Variants in FLT3 observed in about 807,000 individuals in gnomAD.
FLT3 encodes receptor-type tyrosine-protein kinase FLT3.
Under a neutral mutation model 126.6 loss-of-function variants are expected in FLT3, and 46 were observed. That is an observed-to-expected ratio of 0.36 (90% CI 0.29 to 0.46). FLT3 has a LOEUF of 0.46. Ranked by LOEUF, FLT3 falls within the 20% of genes least tolerant of loss-of-function variation. The pLI, the probability that FLT3 is intolerant of heterozygous loss-of-function variation, is 1.00. For missense variants in FLT3, 1,069 were observed against 1,190.3 expected, an observed-to-expected ratio of 0.90 and a Z score of 1.50; for synonymous variants, 404 against 434.4, an observed-to-expected ratio of 0.93 and a Z score of 0.87.
chr13:28,009,849 A>G (rs1198349595), intron 23 of FLT3, among the ~76,000 whole-genome samples: 1 of 152,170 alleles, frequency 6.6e-6, no homozygotes, highest in African/African-American at 2.4e-5. Context: ...AGTGTCAGCC[A>G]CCACGCTTGG....
Position 28,023,425 on chromosome 13 carries a change from A to G in FLT3, c.2343T>C (p.Asn781=), listed in dbSNP as rs150581819. 7 of 1,613,884 alleles carry G rather than the reference A, an allele frequency of 4.3e-6. No homozygotes were observed. The East Asian group carries it at 1.3e-4, about 31-fold the overall frequency. The change falls in exon 19 of 24, where the codon AAT becomes AAC. Residue 781 remains asparagine, a synonymous_variant. Transcript: ENST00000241453. ...AAAGAAGATCTTCAAATGTAAGCAC[A>G]TTCAAGTCCTCCTCTTCTTCCAGCC... ...QKRLEEEEDL[N]VLTFEDLLCF...
intron 23 of FLT3, among the ~76,000 whole-genome samples, chr13:28,011,703 CT>C (rs1273152066): frequency 1.0e-4 from 8 of 79,954 alleles, no homozygotes; most frequent in South Asian, 9.1e-4. Context: ...TCCTTTCTTT[CT>C]CTTTTTCTCT....
At chr13:28,079,437 T>G (rs1015709762) in intron 1 of FLT3, among the ~76,000 whole-genome samples, 3 of 152,196 alleles carry the variant, frequency 2.0e-5, no homozygotes, top group African/African-American at 7.2e-5. Context: ...AACTTCTGCC[T>G]GTTACCCAGT....
At chr13:28,067,828 C>G (rs1265981968) in intron 2 of FLT3, 1 of 247,364 alleles carries the variant, frequency 4.0e-6, no homozygotes, top group Non-Finnish European at 8.2e-6. Context: ...AGAAAACCAA[C>G]CAACAAACAA....
At chr13:28,088,362 A>C (rs1254009909) in intron 1 of FLT3, among the ~76,000 whole-genome samples, 1 of 151,526 alleles carries the variant, frequency 6.6e-6, no homozygotes, top group Non-Finnish European at 1.5e-5. Context: ...ATCTCAGCTC[A>C]CTGCAACCTC....
rs1170404093 is a variant in FLT3 at position 28,003,523 on chromosome 13, G to A, written c.*529C>T. On this transcript the variant is annotated 3_prime_UTR_variant, in exon 24 of 24. Transcript: ENST00000241453. The stretch of plus-strand genomic sequence containing the variant: ...ACACGTGCTCTGGAAGGAATGTGTA[G>A]GTGGCTATGGGTGCACAATTTCAGG... The A allele has an allele frequency of 8.4e-6, 2 of 236,892 alleles. No homozygotes were observed. Among genetic ancestry groups the A allele is most frequent in the African/African-American group, 4.4e-5 (2 of 45,358 alleles). The allele number at this position is 236,892 out of a possible 1,614,324, so 14.7% of individuals were successfully genotyped here. A position where few individuals can be genotyped will look rare whatever the true frequency, so the allele number is the denominator to read the frequency against.
At chr13:28,038,358 T>A (rs901254470) in intron 9 of FLT3, among the ~76,000 whole-genome samples, 1 of 151,890 alleles carries the variant, frequency 6.6e-6, no homozygotes, top group Non-Finnish European at 1.5e-5. Flanking sequence ...GTAACAAAAT[T>A]GGAGAAAAAG....
chr13:28,083,559 A>G (rs571493500), intron 1 of FLT3, among the ~76,000 whole-genome samples: 21 of 152,284 alleles, frequency 1.4e-4, no homozygotes, highest in Admixed American at 2.6e-4. Flanking sequence ...TCTGTATAGA[A>G]TTGGTTTTAT....
intron 15 of FLT3, among the ~76,000 whole-genome samples, chr13:28,030,437 T>G (rs1276494479): frequency 2.0e-5 from 3 of 152,194 alleles, no homozygotes; most frequent in Non-Finnish European, 2.9e-5. Flanking sequence ...GAGTGCCTAC[T>G]CTGTAAGAGC....
At position 28,100,253 on chromosome 13, in the gene FLT3, G is replaced by GA. The variant is rs1045250888; in HGVS notation, c.43+214dup. On this transcript the variant is annotated intron_variant, in intron 1 of 23. Transcript: ENST00000241453. This position sits in a 1 kb window ranked among gnomAD's most constrained non-coding sequence, Gnocchi z 4.8. ...CAGAGGAGAGACTTCGGAGAAGAGG[G>GA]AAGAGGACGCGGGGTGGGAAACGCC... 4.6e-5 allele frequency among the ~76,000 whole-genome samples: 7 copies of GA among 152,144 alleles called. No homozygotes were observed. The highest frequency in any genetic ancestry group is 1.7e-4 in the African/African-American group (7 of 41,458).
At chr13:28,040,163 G>A (rs2137696475) in intron 9 of FLT3, among the ~76,000 whole-genome samples, 1 of 152,286 alleles carries the variant, frequency 6.6e-6, no homozygotes, top group Non-Finnish European at 1.5e-5. Flanking sequence ...TCAAAAAATT[G>A]GGTTTCTGTT....
At chr13:28,040,674 C>T (rs776148101) in intron 9 of FLT3, among the ~76,000 whole-genome samples, 1 of 152,176 alleles carries the variant, frequency 6.6e-6, no homozygotes, top group Non-Finnish European at 1.5e-5. Context: ...ATTCATCTCT[C>T]TGACCTATCA....
At chr13:28,031,538 AC>A (rs931299816) in intron 15 of FLT3, among the ~76,000 whole-genome samples, 2 of 152,188 alleles carry the variant, frequency 1.3e-5, no homozygotes, top group African/African-American at 4.8e-5. Flanking sequence ...AAATGTCATG[AC>A]AAAGGTGATG....
In FLT3 at chr13:28,034,381, T is replaced by C; in HGVS notation, c.1624A>G (p.Ile542Val). Residue 542 changes from isoleucine to valine, a missense_variant, in exon 13 of 24, where the codon ATC becomes GTC. By Grantham distance (29) the Ile-to-Val change is conservative. Transcript: ENST00000241453. ...ACACCAATTGTTGCATAGAATGAGA[T>C]GTTGTCTTGGATGAAAGGGAAGGGG... is the stretch of plus-strand genomic sequence containing the variant. ...PGPFPFIQDN[I>V]SFYATIGVCL... 1.2e-6 allele frequency: 2 copies of C among 1,614,046 alleles called. No homozygotes were observed. Among genetic ancestry groups the C allele is most frequent in the Non-Finnish European group, 8.5e-7 (1 of 1,179,882 alleles).
At chr13:28,045,537 A>T (rs1356185059) in intron 9 of FLT3, among the ~76,000 whole-genome samples, 1 of 152,122 alleles carries the variant, frequency 6.6e-6, no homozygotes, top group African/African-American at 2.4e-5. Flanking sequence ...TAGGGTAAAG[A>T]GGGGCTGACT....
chr13:28,091,252 C>G (rs60649910), intron 1 of FLT3, among the ~76,000 whole-genome samples: 6 of 100,114 alleles, frequency 6.0e-5, no homozygotes, highest in Admixed American at 3.2e-4. Flanking sequence ...GACGGAGTCT[C>G]GCTCTGTCGC....
intron 18 of FLT3, among the ~76,000 whole-genome samples, chr13:28,024,474 G>C (rs1872647291): frequency 6.6e-6 from 1 of 152,130 alleles, no homozygotes; most frequent in Non-Finnish European, 1.5e-5. Context: ...GGTAGTGTTA[G>C]GCCTATTTTA....
At chr13:28,011,452 G>C (rs17072037) in intron 23 of FLT3, among the ~76,000 whole-genome samples, 5,445 of 152,248 alleles carry the variant, frequency 0.036, 281 homozygotes, top group East Asian at 0.26. Flanking sequence ...CAAGGGACTA[G>C]ATAGGATTCT....
Position 28,100,401 on chromosome 13 carries a change from G to T in FLT3, c.43+67C>A. The T allele has an allele frequency of 8.9e-7, 1 of 1,117,946 alleles. No homozygotes were observed. Among genetic ancestry groups the T allele is most frequent in the Non-Finnish European group, 1.1e-6 (1 of 888,506 alleles). The allele number at this position is 1,117,946 out of a possible 1,614,324, so 69.3% of individuals were successfully genotyped here. A position where few individuals can be genotyped will look rare whatever the true frequency, so the allele number is the denominator to read the frequency against. On this transcript the variant is annotated intron_variant, in intron 1 of 23. Coordinates refer to ENST00000241453, the MANE Select transcript of FLT3 (RefSeq NM_004119.3). The surrounding 1 kb of genome is among the most constrained non-coding windows in gnomAD (Gnocchi z 4.8). ...GCTGGGCCGGAGGAGGCGCGCGCCC[G>T]GGTCCACACTGCGGGGTGGGGGCTG...
Sources: allele counts gnomAD v4.1 joint callset (sites outside exome capture counted in the v4.1 genomes callset), GRCh38; gene constraint gnomAD v4.1.1; non-coding constraint Gnocchi (gnomAD v3.1); transcripts MANE v1.5; gene names NCBI Gene and HGNC (gene_info 2026-07-23, HGNC 2026-07-21).